The following AHNAK2 variants were observed in gnomAD, a reference collection of about 807,000 sequenced individuals.
AHNAK2 encodes protein AHNAK2.
A neutral mutation model predicts 30.7 loss-of-function variants in AHNAK2; 18 were observed. The observed-to-expected ratio is 0.59, with a 90% CI of 0.41 to 0.87. The LOEUF (loss-of-function observed/expected upper bound fraction) is 0.87, where lower values mean the gene tolerates loss of function less well. Ranked by LOEUF, AHNAK2 falls within the 40% of genes least tolerant of loss-of-function variation. The pLI is 0.00. For synonymous variants in AHNAK2, 3,590 were observed against 3,073.8 expected, an observed-to-expected ratio of 1.17 and a Z score of -5.56; for missense variants, 8,604 against 7,373.0, an observed-to-expected ratio of 1.17 and a Z score of -6.11.
Position 104,951,288 on chromosome 14 carries a change from T to G in AHNAK2, c.4163A>C (p.Gln1388Pro). 1 of 1,061,078 alleles carries G rather than the reference T, an allele frequency of 9.4e-7. No individual in the cohort carries two copies. The allele number at this position is 1,061,078 out of a possible 1,614,324, so 65.7% of individuals were successfully genotyped here. Residue 1388 changes from glutamine (Q) to proline (P), a missense_variant, in exon 7 of 7, where the codon CAG becomes CCG. Coordinates refer to ENST00000333244, the MANE Select transcript of AHNAK2 (RefSeq NM_138420.4). The part of the protein sequence containing the change: ...IQPPSTDLEL[Q>P]AGQLDVKLPE... ...GAGTTTCACGTCCAATTGGCCAGCC[T>G]GGAGCTCCAGGTCAGTGGAAGGGGG...
Position 104,944,023 on chromosome 14 carries a change from T to G in AHNAK2, c.11428A>C (p.Met3810Leu). 1 of 1,612,710 alleles carries G rather than the reference T, an allele frequency of 6.2e-7. No individual in the cohort carries two copies. The highest frequency in any genetic ancestry group is 8.5e-7 in the Non-Finnish European group (1 of 1,179,458). ...DSKFKMPKFK[M>L]PSFGVSAPGK... Reference sequence around the variant, plus strand: ...GGGGCAGACACCCCAAATGACGGCATCTTGAACTTGGGCATTTTGAATTTG... The same window carrying G: ...GGGGCAGACACCCCAAATGACGGCAGCTTGAACTTGGGCATTTTGAATTTG... Residue 3810 changes from methionine to leucine, a missense_variant, in exon 7 of 7, where the codon ATG becomes CTG. Physicochemically the swap from Met to Leu is conservative, Grantham distance 15. Coordinates refer to ENST00000333244, the MANE Select transcript of AHNAK2 (RefSeq NM_138420.4).
Position 104,940,168 on chromosome 14 carries a change from G to GAAAAA in AHNAK2, c.15282_15283insTTTTT (p.Pro5095PhefsTer21). On this transcript the variant is annotated frameshift_variant, in exon 7 of 7. Coordinates refer to ENST00000333244, the MANE Select transcript of AHNAK2 (RefSeq NM_138420.4). LOFTEE classifies it low-confidence loss of function (END_TRUNC). This position sits in a 1 kb window ranked among gnomAD's most constrained non-coding sequence, Gnocchi z 4.4. ...TCAGGTTTGGCAAAGCCCAAACTGG[G>GAAAAA]AATGTGGACCTGTGGCCGGTGGAGG... 1 of 1,613,576 alleles carries GAAAAA rather than the reference G, an allele frequency of 6.2e-7. No individual in the cohort carries two copies. Among genetic ancestry groups the GAAAAA allele is most frequent in the Non-Finnish European group, 8.5e-7 (1 of 1,179,882 alleles).
At chr14:104,968,433 G>A (rs1314558256) in intron 1 of AHNAK2, among the ~76,000 whole-genome samples, 1 of 152,184 alleles carries the variant, frequency 6.6e-6, no homozygotes, top group Non-Finnish European at 1.5e-5. Flanking sequence ...AGGGGAGAAG[G>A]AACACAGGCG....
Position 104,954,756 on chromosome 14 carries a change from G to A in AHNAK2, c.695C>T (p.Thr232Ile), listed in dbSNP as rs1468244699. 1.9e-6 allele frequency: 3 copies of A among 1,598,638 alleles called. No individual in the cohort carries two copies. The highest frequency in any genetic ancestry group is 2.6e-6 in the Non-Finnish European group (3 of 1,172,338). ...ADGCRETPTK[T>I]LEGDGDQERL... ...CTCTTGGTCCCCATCTCCTTCCAGAGTTTTCGTGGGGGTCTCTCTGCACCC... is the reference window on the plus strand; with the variant it reads ...CTCTTGGTCCCCATCTCCTTCCAGAATTTTCGTGGGGGTCTCTCTGCACCC... The change falls in exon 7 of 7, where the codon ACT becomes ATT. Residue 232 changes from threonine (T) to isoleucine (I), a missense_variant. Coordinates refer to ENST00000333244, the MANE Select transcript of AHNAK2 (RefSeq NM_138420.4). This position sits in a 1 kb window ranked among gnomAD's most constrained non-coding sequence, Gnocchi z 4.3.
rs751635659 is a variant in AHNAK2 at position 104,955,222 on chromosome 14, G to C, written c.467-81C>G. 178 of 1,478,276 alleles carry C rather than the reference G, an allele frequency of 1.2e-4. 1 individual carries two copies. Among genetic ancestry groups the C allele is most frequent in the Admixed American group, 3.9e-5 (2 of 51,394 alleles). The allele number at this position is 1,478,276 out of a possible 1,614,324, so 91.6% of individuals were successfully genotyped here. A position where few individuals can be genotyped will look rare whatever the true frequency, so the allele number is the denominator to read the frequency against. On this transcript the variant is annotated intron_variant, in intron 5 of 6. Coordinates refer to ENST00000333244, the MANE Select transcript of AHNAK2 (RefSeq NM_138420.4). ...TGTCTTGCCTTGGCTGGCGAGGAGGGTCCCGGGGACATGAATAGGGGGAAT... is the reference window on the plus strand; with the variant it reads ...TGTCTTGCCTTGGCTGGCGAGGAGGCTCCCGGGGACATGAATAGGGGGAAT...
At position 104,951,433 on chromosome 14, in the gene AHNAK2, C is replaced by A; in HGVS notation, c.4018G>T (p.Val1340Leu). The A allele has an allele frequency of 9.7e-6, 12 of 1,237,088 alleles. 4 individuals carry two copies. The highest frequency in any genetic ancestry group is 1.4e-5 in the Non-Finnish European group (12 of 874,886). 76.6% of individuals were successfully genotyped at this position (1,237,088 alleles called of 1,614,324 possible). Residue 1340 changes from valine to leucine, a missense_variant, in exon 7 of 7, where the codon GTG (valine) becomes TTG (leucine). Val to Leu is a conservative substitution (Grantham distance 32). Coordinates refer to ENST00000333244, the MANE Select transcript of AHNAK2 (RefSeq NM_138420.4). ...TCAATGGACTTGCCTGGGGCAGACA[C>A]CCCGAACGACGGCATCTTGAACTTG... ...MPKFKMPSFG[V>L]SAPGKSIEAS... is the part of the protein sequence containing the mutation.
rs571745818 is a variant in AHNAK2 at position 104,964,203 on chromosome 14, AAG to A, written c.56-6533_56-6532del. ...AAAACACTGGAAAGGTAGCTCATAG[AAG>A]AGGATATTCAACCAGCCGATTAGTA... On this transcript the variant is annotated intron_variant, in intron 1 of 6. Coordinates refer to ENST00000333244, the MANE Select transcript of AHNAK2 (RefSeq NM_138420.4). Among the ~76,000 whole-genome samples the A allele has an allele frequency of 1.3e-4, 20 of 152,370 alleles. No homozygotes were observed. In the East Asian group the frequency reaches 3.7e-3, roughly 28 times the overall value.
rs1898068278 is a variant in AHNAK2, at chr14:104,943,042, T to G, written c.12409A>C (p.Lys4137Gln). ...TAKDSKFKMP[K>Q]FKMPSFGVSA... Reference sequence around the variant, plus strand: ...ACCCCGAATGATGGCATCTTGAACTTGGGCATTTTGAACTTGCTGTCTTTG... The same window carrying G: ...ACCCCGAATGATGGCATCTTGAACTGGGGCATTTTGAACTTGCTGTCTTTG... Residue 4137 changes from lysine (K) to glutamine (Q), a missense_variant, in exon 7 of 7, where the codon AAG becomes CAG. Coordinates refer to ENST00000333244, the MANE Select transcript of AHNAK2 (RefSeq NM_138420.4). The G allele has an allele frequency of 6.2e-7, 1 of 1,612,778 alleles. No individual in the cohort carries two copies. The highest frequency in any genetic ancestry group is 8.5e-7 in the Non-Finnish European group (1 of 1,179,438).
In AHNAK2 at chr14:104,949,640, G is replaced by A; in HGVS notation, c.5811C>T (p.Gly1937=). The A allele has an allele frequency of 6.3e-7, 1 of 1,588,706 alleles. No homozygotes were observed. Among genetic ancestry groups the A allele is most frequent in the East Asian group, 2.2e-5 (1 of 44,726 alleles). The part of the protein sequence containing the change: ...DVKGAKLDLK[G]PKAEVTAPDV... ...CGGGGGCTGTCACTTCCGCCTTGGG[G>A]CCTTTCAGGTCCAGCTTGGCGCCCT... is the stretch of plus-strand genomic sequence containing the variant. The change falls in exon 7 of 7, where the codon GGC becomes GGT. Residue 1937 remains glycine, a synonymous_variant. Coordinates refer to ENST00000333244, the MANE Select transcript of AHNAK2 (RefSeq NM_138420.4).
In AHNAK2 at chr14:104,939,629, G is replaced by A; in HGVS notation, c.15822C>T (p.Asp5274=). Residue 5274 remains aspartate, a synonymous_variant, in exon 7 of 7, where the codon GAC becomes GAT. Transcript: ENST00000333244. The stretch of plus-strand genomic sequence containing the variant: ...AGAGGTGCAGCTTCAAGCCTGTGCT[G>A]TCAAGATCACACCTTAGAATATCTG... ...SSTDILRCDL[D]STGLKLHLST... 1.2e-6 allele frequency: 2 copies of A among 1,613,908 alleles called. No homozygotes were observed. Among genetic ancestry groups the A allele is most frequent in the Non-Finnish European group, 8.5e-7 (1 of 1,179,898 alleles).
Position 104,942,310 on chromosome 14 carries a change from G to T in AHNAK2, c.13141C>A (p.Leu4381Met). 1 of 1,613,406 alleles carries T rather than the reference G, an allele frequency of 6.2e-7. No homozygotes were observed. Among genetic ancestry groups the T allele is most frequent in the Non-Finnish European group, 8.5e-7 (1 of 1,179,820 alleles). Reference sequence around the variant, plus strand: ...AAACTGGGCATCTGCAGCTTCGGCAGGTGCCCTTTGAGGCCGGCTCCCTCA... The same window carrying T: ...AAACTGGGCATCTGCAGCTTCGGCATGTGCCCTTTGAGGCCGGCTCCCTCA... ...VHEGAGLKGH[L>M]PKLQMPSFKV... is the part of the protein sequence containing the mutation. Residue 4381 changes from leucine to methionine, a missense_variant, in exon 7 of 7, where the codon CTG becomes ATG. By Grantham distance (15) the Leu-to-Met change is conservative. Transcript: ENST00000333244.
At chr14:104,974,392 C>T (rs1198226588) in intron 1 of AHNAK2, among the ~76,000 whole-genome samples, 3 of 152,258 alleles carry the variant, frequency 2.0e-5, no homozygotes, top group East Asian at 1.9e-4. Context: ...CAGCAGCTGA[C>T]GCTGCCACCT....
chr14:104,963,827 C>CT lies in AHNAK2; in HGVS notation c.56-6156dup, dbSNP rs1183117056. The stretch of plus-strand genomic sequence containing the variant: ...CCTGGGCCACACAGCGAGACTCCGT[C>CT]TAAAAAAAAAAAAGAAAAAAAAAAG... On this transcript the variant is annotated intron_variant, in intron 1 of 6. Transcript: ENST00000333244. Among the ~76,000 whole-genome samples, 7 of 123,262 alleles carry CT rather than the reference C, an allele frequency of 5.7e-5. No homozygotes were observed. The East Asian group carries it at 1.6e-3, about 29-fold the overall frequency. The allele number at this position is 123,262 out of a possible 152,430, so 80.9% of individuals were successfully genotyped here. A position where few individuals can be genotyped will look rare whatever the true frequency, so the allele number is the denominator to read the frequency against.
At position 104,950,103 on chromosome 14, in the gene AHNAK2, T is replaced by G. The variant is rs1846510448; in HGVS notation, c.5348A>C (p.Glu1783Ala). 1 of 1,586,668 alleles carries G rather than the reference T, an allele frequency of 6.3e-7. No individual in the cohort carries two copies. The highest frequency in any genetic ancestry group is 1.4e-5 in the African/African-American group (1 of 72,180). Residue 1783 changes from glutamate (E) to alanine (A), a missense_variant, in exon 7 of 7, where the codon GAG becomes GCG. By Grantham distance (107) the Glu-to-Ala change is moderately radical. Transcript: ENST00000333244. ...PKAEVMAPDV[E>A]VSLPSVEVDV... ...CACCTCCACGCTGGGCAGAGACACC[T>G]CCACGTCGGGGGCCATCACCTCCGC...
Position 104,942,514 on chromosome 14 carries a change from G to T in AHNAK2, c.12937C>A (p.Pro4313Thr). 1 of 1,612,974 alleles carries T rather than the reference G, an allele frequency of 6.2e-7. No individual in the cohort carries two copies. ...FKMPSFGVSA[P>T]GKSIEASLDV... ...AACGAGGCCTCGATGGACTTGCCTGGGGCAGACACCCCGAACGACGGCATC... is the reference window on the plus strand; with the variant it reads ...AACGAGGCCTCGATGGACTTGCCTGTGGCAGACACCCCGAACGACGGCATC... The change falls in exon 7 of 7, where the codon CCA becomes ACA. Residue 4313 changes from proline to threonine, a missense_variant. Physicochemically the swap from Pro to Thr is conservative, Grantham distance 38. Coordinates refer to ENST00000333244, the MANE Select transcript of AHNAK2 (RefSeq NM_138420.4).
In AHNAK2 at chr14:104,943,357, C is replaced by T; in HGVS notation, c.12094G>A (p.Val4032Met). Reference protein sequence around the residue: ...SADLEVQAGQVDVKLPEGPVP... With the variant: ...SADLEVQAGQMDVKLPEGPVP... Reference sequence around the variant, plus strand: ...GGGCCCTCTGGGAGTTTCACGTCCACTTGGCCAGCCTGGACCTCCAGGTCA... The same window carrying T: ...GGGCCCTCTGGGAGTTTCACGTCCATTTGGCCAGCCTGGACCTCCAGGTCA... The change falls in exon 7 of 7, where the codon GTG becomes ATG. Residue 4032 changes from valine to methionine, a missense_variant. Val to Met is a conservative substitution (Grantham distance 21). Transcript: ENST00000333244. 1 of 1,612,954 alleles carries T rather than the reference C, an allele frequency of 6.2e-7. No homozygotes were observed. The highest frequency in any genetic ancestry group is 8.5e-7 in the Non-Finnish European group (1 of 1,179,550).
Position 104,945,447 on chromosome 14 carries a change from G to A in AHNAK2, c.10004C>T (p.Ala3335Val), listed in dbSNP as rs371364837. 4.3e-5 allele frequency: 70 copies of A among 1,613,324 alleles called. No individual in the cohort carries two copies. The highest frequency in any genetic ancestry group is 4.1e-4 in the African/African-American group (31 of 74,786). The change falls in exon 7 of 7, where the codon GCG becomes GTG. Residue 3335 changes from alanine to valine, a missense_variant. Physicochemically the swap from Ala to Val is moderately conservative, Grantham distance 64. Transcript: ENST00000333244. ...GCTCACGTCGGCCTCCGCCTTCGGC[G>A]CAGACACATCCACCGAGGCCTGGAT... ...KSIQASVDVSAPKAEADVSLP... is the reference protein window; with the variant it reads ...KSIQASVDVSVPKAEADVSLP...
At position 104,943,087 on chromosome 14, in the gene AHNAK2, C is replaced by T; in HGVS notation, c.12364G>A (p.Ala4122Thr). 1 of 1,613,040 alleles carries T rather than the reference C, an allele frequency of 6.2e-7. No individual in the cohort carries two copies. Among genetic ancestry groups the T allele is most frequent in the Non-Finnish European group, 8.5e-7 (1 of 1,179,528 alleles). Reference sequence around the variant, plus strand: ...TCTTTGGCAGTCACATCCTTGTCGGCCAGGGACAGGTCCCCCTCCAGCTGC... The same window carrying T: ...TCTTTGGCAGTCACATCCTTGTCGGTCAGGGACAGGTCCCCCTCCAGCTGC... ...GVQLEGDLSLADKDVTAKDSK... is the reference protein window; with the variant it reads ...GVQLEGDLSLTDKDVTAKDSK... The change falls in exon 7 of 7, where the codon GCC becomes ACC. Residue 4122 changes from alanine to threonine, a missense_variant. Transcript: ENST00000333244.
Position 104,939,540 on chromosome 14 carries a change from C to T in AHNAK2, c.15911G>A (p.Gly5304Glu). 1 of 1,613,804 alleles carries T rather than the reference C, an allele frequency of 6.2e-7. No homozygotes were observed. The change falls in exon 7 of 7, where the codon GGA becomes GAA. Residue 5304 changes from glycine (G) to glutamate (E), a missense_variant. Gly to Glu is a moderately conservative substitution (Grantham distance 98). Coordinates refer to ENST00000333244, the MANE Select transcript of AHNAK2 (RefSeq NM_138420.4). ...TSEVRIHPSK[G>E]PLPFQMPGMR... is the part of the protein sequence containing the mutation. ...GCCAGGCATCTGAAAAGGGAGAGGTCCTTTGGATGGATGGATCCTGACCTC... is the reference window on the plus strand; with the variant it reads ...GCCAGGCATCTGAAAAGGGAGAGGTTCTTTGGATGGATGGATCCTGACCTC...
Sources: gnomAD v4.1 joint callset for allele counts (sites outside exome capture counted in the v4.1 genomes callset) on GRCh38, gnomAD v4.1.1 for gene constraint, Gnocchi (gnomAD v3.1) non-coding constraint, MANE v1.5 for transcripts, NCBI Gene and HGNC (gene_info 2026-07-23, HGNC 2026-07-21) for gene names.